ST18: variants seen among roughly 807,000 people sequenced by gnomAD.
ST18 encodes suppression of tumorigenicity 18 protein.
A neutral mutation model predicts 110.0 loss-of-function variants in ST18; 50 were observed. The ratio of observed to expected loss-of-function variants is 0.45; its 90% CI spans 0.36 to 0.58. ST18 has a LOEUF of 0.58. Ranked by LOEUF, ST18 falls within the 20% of genes least tolerant of loss-of-function variation. The probability of loss-of-function intolerance (pLI) is 0.00; values close to 1 mark genes in which losing one functional copy is unlikely to be tolerated. For synonymous variants in ST18, 461 were observed against 452.4 expected, an observed-to-expected ratio of 1.02 and a Z score of -0.24; for missense variants, 1,306 against 1,280.1, an observed-to-expected ratio of 1.02 and a Z score of -0.31.
chr8:52,231,485 CTT>C (rs796253533), intron 2 of ST18, among the ~76,000 whole-genome samples: 18 of 142,864 alleles, frequency 1.3e-4, no homozygotes, highest in Non-Finnish European at 1.5e-4. Context: ...ACCTGGGTGG[CTT>C]TTTTTTTTTT....
rs931051983 is a variant in ST18 at position 52,365,709 on chromosome 8, G to C, written c.-465+43619C>G. On this transcript the variant is annotated intron_variant, in intron 2 of 25. Transcript: ENST00000689386. ...CAATTTTGGGTTTGGGGGGTGGGGGGTTTCTGAGACAGGTTCTGGCTGTGT... is the reference window on the plus strand; with the variant it reads ...CAATTTTGGGTTTGGGGGGTGGGGGCTTTCTGAGACAGGTTCTGGCTGTGT... Among the ~76,000 whole-genome samples the C allele has an allele frequency of 2.0e-5, 3 of 151,536 alleles. No individual in the cohort carries two copies. The South Asian group carries it at 6.3e-4, about 32-fold the overall frequency.
chr8:52,348,939 A>T (rs1404658602), intron 2 of ST18, among the ~76,000 whole-genome samples: 1 of 152,092 alleles, frequency 6.6e-6, no homozygotes, highest in Non-Finnish European at 1.5e-5. Flanking sequence ...TGTACAATAG[A>T]TCTCTCAAAC....
intron 2 of ST18, among the ~76,000 whole-genome samples, chr8:52,247,031 G>A (rs2093915259): frequency 6.6e-6 from 1 of 152,136 alleles, no homozygotes; most frequent in Non-Finnish European, 1.5e-5. Context: ...TATGCACTTA[G>A]GATGACTGCC....
At chr8:52,350,580 T>C (rs1819832332) in intron 2 of ST18, among the ~76,000 whole-genome samples, 1 of 152,132 alleles carries the variant, frequency 6.6e-6, no homozygotes, top group South Asian at 2.1e-4. Flanking sequence ...TGAAAACTTG[T>C]TTTCAAAGTT....
chr8:52,384,973 T>G (rs12547633), intron 2 of ST18, among the ~76,000 whole-genome samples: 4,263 of 152,288 alleles, frequency 0.028, 75 homozygotes, highest in Non-Finnish European at 0.033. Flanking sequence ...TTAATTCATT[T>G]CAAGAGAAAC....
intron 23 of ST18, among the ~76,000 whole-genome samples, chr8:52,120,078 T>C (rs2044093953): frequency 6.6e-6 from 1 of 152,204 alleles, no homozygotes; most frequent in South Asian, 2.1e-4. Context: ...GGATTCATTC[T>C]GCACTGGCCA....
At chr8:52,192,354 C>T (rs1170382466) in intron 8 of ST18, among the ~76,000 whole-genome samples, 1 of 152,210 alleles carries the variant, frequency 6.6e-6, no homozygotes, top group Non-Finnish European at 1.5e-5. Flanking sequence ...AGAGCCTCAG[C>T]CAGGACCATA....
chr8:52,118,797 T>C (rs2043506308), intron 23 of ST18, among the ~76,000 whole-genome samples: 2 of 152,076 alleles, frequency 1.3e-5, no homozygotes, highest in African/African-American at 4.8e-5. Context: ...CCAGAGAGGT[T>C]AAATGAGACC....
chr8:52,315,888 T>A (rs2096016156), intron 2 of ST18, among the ~76,000 whole-genome samples: 1 of 152,232 alleles, frequency 6.6e-6, no homozygotes, highest in African/African-American at 2.4e-5. Context: ...GAAAAAAGCC[T>A]CCTTATGAAA....
At chr8:52,260,658 T>G (rs2094661411) in intron 2 of ST18, among the ~76,000 whole-genome samples, 1 of 152,204 alleles carries the variant, frequency 6.6e-6, no homozygotes, top group African/African-American at 2.4e-5. Context: ...TCATTCTAGC[T>G]CCACAGGTCG....
intron 2 of ST18, among the ~76,000 whole-genome samples, chr8:52,262,262 A>T (rs968652746): frequency 3.3e-5 from 5 of 152,216 alleles, no homozygotes; most frequent in African/African-American, 1.2e-4. Flanking sequence ...CTCAACTATC[A>T]TCACCATCAC....
At chr8:52,301,804 C>T (rs949598034) in intron 2 of ST18, 4 of 152,184 alleles carry the variant, frequency 2.6e-5, no homozygotes, top group Non-Finnish European at 5.9e-5. Context: ...CATATTATGC[C>T]TTTCATCCTT....
rs188715015 is a variant in ST18 at position 52,376,283 on chromosome 8, C to T, written c.-465+33045G>A. Among the ~76,000 whole-genome samples, 12 of 152,228 alleles carry T rather than the reference C, an allele frequency of 7.9e-5. No homozygotes were observed. In the East Asian group the frequency reaches 2.1e-3, roughly 27 times the overall value. On this transcript the variant is annotated intron_variant, in intron 2 of 25. Coordinates refer to ENST00000689386, the MANE Select transcript of ST18 (RefSeq NM_001352837.2). Reference sequence around the variant, plus strand: ...TCATCTCTCTGACCTTCTCTCTTTCCACTCCACCTACACACAGTTCAACAC... The same window carrying T: ...TCATCTCTCTGACCTTCTCTCTTTCTACTCCACCTACACACAGTTCAACAC...
chr8:52,151,332 A>G (rs2058752926), intron 15 of ST18, among the ~76,000 whole-genome samples: 2 of 152,140 alleles, frequency 1.3e-5, no homozygotes, highest in Non-Finnish European at 2.9e-5. Context: ...CTCTCAGCCT[A>G]TGAGATAGAT....
At chr8:52,313,977 C>T (rs570431580) in intron 2 of ST18, among the ~76,000 whole-genome samples, 2 of 152,286 alleles carry the variant, frequency 1.3e-5, no homozygotes, top group Admixed American at 1.3e-4. Flanking sequence ...CACGGGAGTG[C>T]GGTCAGCTGA....
At chr8:52,144,624 A>T in intron 16 of ST18, among the ~76,000 whole-genome samples, 1 of 152,162 alleles carries the variant, frequency 6.6e-6, no homozygotes, top group East Asian at 1.9e-4. Context: ...GATTTAGTAC[A>T]ATTTATCCAT....
At chr8:52,155,686 A>G (rs1247965238) in intron 15 of ST18, among the ~76,000 whole-genome samples, 1 of 152,126 alleles carries the variant, frequency 6.6e-6, no homozygotes, top group Non-Finnish European at 1.5e-5. Context: ...ATATTTTTAG[A>G]GTGTGTAGGA....
intron 15 of ST18, among the ~76,000 whole-genome samples, chr8:52,157,724 C>T (rs1284235818): frequency 6.6e-6 from 1 of 152,202 alleles, no homozygotes; most frequent in Non-Finnish European, 1.5e-5. Context: ...ACCAACTCTT[C>T]CTGGGGTTTA....
intron 8 of ST18, chr8:52,199,194 G>A (rs2135393138): frequency 6.6e-6 from 1 of 151,164 alleles, no homozygotes; most frequent in South Asian, 2.1e-4. Context: ...AGCCATCCGT[G>A]ACACGGTTCT....
Sources: allele counts gnomAD v4.1 joint callset (sites outside exome capture counted in the v4.1 genomes callset), GRCh38; gene constraint gnomAD v4.1.1; transcripts MANE v1.5; gene names NCBI Gene and HGNC (gene_info 2026-07-23, HGNC 2026-07-21).